LRIG1: variants seen among roughly 807,000 people sequenced by gnomAD.
The protein encoded by LRIG1 is leucine-rich repeats and immunoglobulin-like domains protein 1.
A neutral mutation model predicts 99.2 loss-of-function variants in LRIG1; 48 were observed. That is an observed-to-expected ratio of 0.48 (90% CI 0.38 to 0.62). The LOEUF is 0.62. Among genes scored for constraint, LRIG1 ranks in the 20% least tolerant of loss-of-function variants. The pLI is 0.00. For synonymous variants in LRIG1, 772 were observed against 596.1 expected, an observed-to-expected ratio of 1.29 and a Z score of -4.30; for missense variants, 1,646 against 1,434.4, an observed-to-expected ratio of 1.15 and a Z score of -2.38.
At position 66,378,984 on chromosome 3, in the gene LRIG1, T is replaced by TAAGA. The variant is rs945910810; in HGVS notation, c.*1275_*1278dup. 1.3e-5 allele frequency: 2 copies of TAAGA among 152,650 alleles called. No individual in the cohort carries two copies. The highest frequency in any genetic ancestry group is 2.9e-5 in the Non-Finnish European group (2 of 68,040). The allele number at this position is 152,650 out of a possible 1,614,324, so 9.5% of individuals were successfully genotyped here. A position where few individuals can be genotyped will look rare whatever the true frequency, so the allele number is the denominator to read the frequency against. ...AGCAAATTCACATATTTTGTGGAAG[T>TAAGA]AAGATTAGTCAGTTAACTGTCAAGA... On this transcript the variant is annotated 3_prime_UTR_variant, in exon 19 of 19. Coordinates refer to ENST00000273261, the MANE Select transcript of LRIG1 (RefSeq NM_015541.3).
At position 66,406,534 on chromosome 3, in the gene LRIG1, T is replaced by C. The variant is rs370706434; in HGVS notation, c.1079+814A>G. The C allele has an allele frequency of 4.2e-4, 189 of 449,974 alleles. 5 individuals are homozygous for C. The South Asian group carries it at 0.017, about 40-fold the overall frequency. The allele number at this position is 449,974 out of a possible 1,614,324, so 27.9% of individuals were successfully genotyped here. On this transcript the variant is annotated intron_variant, in intron 8 of 18. Coordinates refer to ENST00000273261, the MANE Select transcript of LRIG1 (RefSeq NM_015541.3). Reference sequence around the variant, plus strand: ...GTGCAAGTGCAAAGGCCTCCCTCCCTGTCACACTGGAACAGATCCCTCTCT... The same window carrying C: ...GTGCAAGTGCAAAGGCCTCCCTCCCCGTCACACTGGAACAGATCCCTCTCT...
intron 1 of LRIG1, among the ~76,000 whole-genome samples, chr3:66,478,867 C>T (rs1226949246): frequency 6.6e-6 from 1 of 152,150 alleles, no homozygotes; most frequent in Admixed American, 6.5e-5. Flanking sequence ...CCCTCTACCC[C>T]CAGAGGCCTG....
chr3:66,403,971 A>G (rs1702164217), intron 9 of LRIG1, among the ~76,000 whole-genome samples: 1 of 152,170 alleles, frequency 6.6e-6, no homozygotes, highest in South Asian at 2.1e-4. Flanking sequence ...GGCTCTTCCC[A>G]GGTTTGCCCC....
intron 1 of LRIG1, among the ~76,000 whole-genome samples, chr3:66,467,430 G>A (rs111812719): frequency 0.032 from 4,495 of 140,384 alleles, 150 homozygotes; most frequent in African/African-American, 0.096. Flanking sequence ...GTGCATCTCC[G>A]CTCACTACAA....
At chr3:66,455,643 T>C (rs1700198309) in intron 2 of LRIG1, among the ~76,000 whole-genome samples, 1 of 152,206 alleles carries the variant, frequency 6.6e-6, no homozygotes, top group South Asian at 2.1e-4. Flanking sequence ...TTAATAGTAG[T>C]CAAAGTTGGG....
intron 3 of LRIG1, among the ~76,000 whole-genome samples, chr3:66,437,186 T>C (rs1283809899): frequency 6.6e-6 from 1 of 152,226 alleles, no homozygotes; most frequent in African/African-American, 2.4e-5. Context: ...ACTCTCCACC[T>C]TCGCTTCACA....
chr3:66,444,116 C>T (rs1489599448), intron 3 of LRIG1, among the ~76,000 whole-genome samples: 2 of 152,152 alleles, frequency 1.3e-5, no homozygotes, highest in African/African-American at 4.8e-5. Flanking sequence ...TGACTCCTGC[C>T]GGGGGAGAGG....
intron 6 of LRIG1, 89 bp from the exon 7 acceptor site, chr3:66,410,361 A>G (rs1702426023): frequency 7.8e-7 from 1 of 1,279,122 alleles, no homozygotes; most frequent in African/African-American, 1.5e-5. Context: ...TGTACCTGAC[A>G]CTGCGGTCAC....
rs112700187 is a variant in LRIG1, at chr3:66,383,127, G to T, written c.2346C>A (p.Pro782=). The change falls in exon 15 of 19, where the codon CCC becomes CCA. Residue 782 remains proline, a synonymous_variant. Transcript: ENST00000273261. ...ERAHSQLSVL[P]AAGCRKDGTT... is the part of the protein sequence containing the mutation. ...TCCCATCCTTCCTGCAGCCTGCTGC[G>T]GGCAGGACGCTCAGCTGGCTGTGAG... 1.2e-6 allele frequency: 2 copies of T among 1,614,232 alleles called. No individual in the cohort carries two copies. Among genetic ancestry groups the T allele is most frequent in the South Asian group, 2.2e-5 (2 of 91,082 alleles).
chr3:66,432,810 G>A (rs1445832190), intron 3 of LRIG1, among the ~76,000 whole-genome samples: 1 of 152,132 alleles, frequency 6.6e-6, no homozygotes, highest in Non-Finnish European at 1.5e-5. Flanking sequence ...CCAGGGACAG[G>A]GATAACCCTA....
intron 1 of LRIG1, among the ~76,000 whole-genome samples, chr3:66,495,576 G>A (rs1203702156): frequency 6.6e-6 from 1 of 152,190 alleles, no homozygotes; most frequent in African/African-American, 2.4e-5. Context: ...AAGAAAGAAA[G>A]ACTCTGATAC....
At chr3:66,409,889 G>A in intron 7 of LRIG1, 3 of 437,984 alleles carry the variant, frequency 6.8e-6, no homozygotes, top group Non-Finnish European at 1.2e-5. Context: ...GGACCTAGCT[G>A]CTACTCCTGG....
chr3:66,397,778 A>G (rs545720969), intron 11 of LRIG1, among the ~76,000 whole-genome samples: 4 of 152,212 alleles, frequency 2.6e-5, no homozygotes, highest in Admixed American at 6.5e-5. Flanking sequence ...GCCCTGACAT[A>G]ATTGAAGGGG....
chr3:66,400,379 C>T (rs932953906), intron 9 of LRIG1, among the ~76,000 whole-genome samples: 6 of 152,240 alleles, frequency 3.9e-5, no homozygotes, highest in Non-Finnish European at 8.8e-5. Flanking sequence ...GCACAGGAGA[C>T]TACCAGGGAA....
At chr3:66,454,524 C>T (rs1274174742) in intron 2 of LRIG1, among the ~76,000 whole-genome samples, 1 of 152,150 alleles carries the variant, frequency 6.6e-6, no homozygotes, top group Non-Finnish European at 1.5e-5. Context: ...CTTCCCCTGC[C>T]GACGCCCATC....
intron 3 of LRIG1, among the ~76,000 whole-genome samples, chr3:66,449,096 G>C (rs1703816002): frequency 6.6e-6 from 1 of 152,116 alleles, no homozygotes; most frequent in African/African-American, 2.4e-5. Context: ...GTGGTTCTTT[G>C]GGCTGTAAAA....
chr3:66,459,264 T>G (rs1390017432), intron 2 of LRIG1, among the ~76,000 whole-genome samples: 1 of 151,986 alleles, frequency 6.6e-6, no homozygotes, highest in Non-Finnish European at 1.5e-5. Flanking sequence ...GGGAGCCAAA[T>G]CAAATGAAAG....
rs545632150 is a variant in LRIG1 at position 66,406,147 on chromosome 3, G to A, written c.1080-869C>T. On this transcript the variant is annotated intron_variant, in intron 8 of 18. Transcript: ENST00000273261. Reference sequence around the variant, plus strand: ...GGAATCAATGCTGCCAGCAGAGAGGGCAGCTCTGACTGAAGAGTGAAATGC... The same window carrying A: ...GGAATCAATGCTGCCAGCAGAGAGGACAGCTCTGACTGAAGAGTGAAATGC... The A allele has an allele frequency of 6.1e-6, 6 of 985,534 alleles. No homozygotes were observed. The East Asian group carries it at 3.4e-4, about 56-fold the overall frequency. 61.0% of individuals were successfully genotyped at this position (985,534 alleles called of 1,614,324 possible).
chr3:66,402,911 C>A (rs1702114456), intron 9 of LRIG1, among the ~76,000 whole-genome samples: 1 of 152,208 alleles, frequency 6.6e-6, no homozygotes, highest in Admixed American at 6.5e-5. Flanking sequence ...ACCAAAGAGG[C>A]ACTGGGTTCT....
Sources: allele counts gnomAD v4.1 joint callset (sites outside exome capture counted in the v4.1 genomes callset), GRCh38; gene constraint gnomAD v4.1.1; transcripts MANE v1.5; gene names NCBI Gene and HGNC (gene_info 2026-07-23, HGNC 2026-07-21).